SUGCT: variants seen among roughly 807,000 people sequenced by gnomAD.
SUGCT encodes succinyl-CoA:glutarate CoA-transferase.
Under a neutral mutation model 55.0 loss-of-function variants are expected in SUGCT, and 41 were observed. That is an observed-to-expected ratio of 0.74 (90% confidence interval 0.58 to 0.97). SUGCT has a LOEUF of 0.97. SUGCT is among the 50% of genes least tolerant of loss of function. SUGCT has a pLI of 0.00. For missense variants in SUGCT, 568 were observed against 547.8 expected (o/e 1.04, Z -0.37); for synonymous variants, 187 against 200.4 (o/e 0.93, Z 0.56).
intron 7 of SUGCT, among the ~76,000 whole-genome samples, chr7:40,239,552 G>A (rs1789240622): frequency 6.6e-6 from 1 of 152,158 alleles, no homozygotes; most frequent in Non-Finnish European, 1.5e-5. Context: ...AAAGATCTGG[G>A]ATTTAAAAAT....
chr7:40,934,322 G>T, the SUGCT span, among the ~76,000 whole-genome samples: 1 of 152,186 alleles, frequency 6.6e-6, no homozygotes, highest in Non-Finnish European at 1.5e-5. Flanking sequence ...CTTCATCCCA[G>T]AGGGGCACCT....
chr7:40,143,473 A>G (rs1179771520), intron 1 of SUGCT, among the ~76,000 whole-genome samples: 5 of 152,232 alleles, frequency 3.3e-5, no homozygotes, highest in Non-Finnish European at 7.3e-5. Context: ...AATCCTGGAA[A>G]AGAGCTACCA....
the SUGCT span, among the ~76,000 whole-genome samples, chr7:40,954,480 C>A: frequency 2.0e-4 from 31 of 152,160 alleles, no homozygotes; most frequent in African/African-American, 7.2e-4. Context: ...GTCTGACAAG[C>A]CCCAGTGAGA....
intron 12 of SUGCT, among the ~76,000 whole-genome samples, chr7:40,733,206 C>T (rs1318703739): frequency 6.6e-6 from 1 of 152,170 alleles, no homozygotes; most frequent in Non-Finnish European, 1.5e-5. Flanking sequence ...CATCTCTACC[C>T]CTCTGCCCCA....
rs369773565 is a variant in SUGCT at position 40,367,887 on chromosome 7, T to A, written c.816+51032T>A. On this transcript the variant is annotated intron_variant, in intron 9 of 13. Coordinates refer to ENST00000335693, the MANE Select transcript of SUGCT (RefSeq NM_001193313.2). Reference sequence around the variant, plus strand: ...CCTGGCCTTCCTGGCCCTTGCCATCTGTCCTCACAGCCTCTCCATCCATGC... The same window carrying A: ...CCTGGCCTTCCTGGCCCTTGCCATCAGTCCTCACAGCCTCTCCATCCATGC... Among the ~76,000 whole-genome samples the A allele has an allele frequency of 2.0e-3, 301 of 152,304 alleles. 12 individuals are homozygous for A. The South Asian group carries it at 0.059, about 30-fold the overall frequency.
the SUGCT span, among the ~76,000 whole-genome samples, chr7:40,937,357 G>A: frequency 6.6e-6 from 1 of 152,112 alleles, no homozygotes; most frequent in African/African-American, 2.4e-5. Flanking sequence ...TTTTAGTAGA[G>A]ACAGAGTTTC....
the SUGCT span, among the ~76,000 whole-genome samples, chr7:40,975,946 G>GGCT: frequency 2.4e-4 from 37 of 152,310 alleles, no homozygotes; most frequent in South Asian, 1.0e-3. Context: ...TCATAGCCCT[G>GGCT]CCTTAACTAA....
intron 12 of SUGCT, among the ~76,000 whole-genome samples, chr7:40,611,952 GT>G (rs1035877987): frequency 2.6e-5 from 4 of 150,986 alleles, no homozygotes; most frequent in Non-Finnish European, 4.4e-5. Context: ...CATTTTTATT[GT>G]TAATATTTTA....
At chr7:40,373,675 T>C (rs1784409126) in intron 9 of SUGCT, among the ~76,000 whole-genome samples, 2 of 152,060 alleles carry the variant, frequency 1.3e-5, no homozygotes, top group Admixed American at 6.6e-5. Context: ...CATGCAAGTT[T>C]ATTTTGGTAA....
the SUGCT span, among the ~76,000 whole-genome samples, chr7:40,940,810 TA>T: frequency 6.6e-6 from 1 of 152,002 alleles, no homozygotes; most frequent in Non-Finnish European, 1.5e-5. Context: ...GGACAATCTT[TA>T]GAGTTTTCTA....
At chr7:40,504,108 A>G (rs1309466853) in intron 12 of SUGCT, among the ~76,000 whole-genome samples, 1 of 152,246 alleles carries the variant, frequency 6.6e-6, no homozygotes, top group African/African-American at 2.4e-5. Flanking sequence ...ACTTTCAAAT[A>G]TAAAACTTTT....
At chr7:40,768,970 T>A (rs1363007925) in intron 13 of SUGCT, among the ~76,000 whole-genome samples, 1 of 152,004 alleles carries the variant, frequency 6.6e-6, no homozygotes, top group East Asian at 1.9e-4. Flanking sequence ...TTAGGAGAAG[T>A]CTTGACTACA....
chr7:40,748,178 C>G (rs1463783411), intron 12 of SUGCT, among the ~76,000 whole-genome samples: 1 of 151,798 alleles, frequency 6.6e-6, no homozygotes, highest in Admixed American at 6.6e-5. Flanking sequence ...TAGAGAGAGA[C>G]TTTGGGGTGT....
intron 1 of SUGCT, among the ~76,000 whole-genome samples, chr7:40,138,286 GGCCCCCA>G (rs1217815611): frequency 3.9e-5 from 6 of 152,098 alleles, no homozygotes; most frequent in African/African-American, 1.4e-4. Context: ...TTAAGATAAT[GGCCCCCA>G]GTTCTATCCA....
chr7:40,339,212 G>T (rs1480872324), intron 9 of SUGCT, among the ~76,000 whole-genome samples: 1 of 152,198 alleles, frequency 6.6e-6, no homozygotes, highest in Non-Finnish European at 1.5e-5. Context: ...ACTTGAGGAG[G>T]CAGTCTTAGC....
chr7:40,603,185 T>C (rs1798371323), intron 12 of SUGCT, among the ~76,000 whole-genome samples: 1 of 152,190 alleles, frequency 6.6e-6, no homozygotes, highest in South Asian at 2.1e-4. Context: ...AATATGTTGA[T>C]TTAAATTTGA....
chr7:40,897,892 T>C, the SUGCT span, among the ~76,000 whole-genome samples: 1 of 125,492 alleles, frequency 8.0e-6, no homozygotes, highest in Non-Finnish European at 1.9e-5. Flanking sequence ...CTCTGTAAAA[T>C]GGACCAATCA....
At chr7:40,313,043 C>G (rs904399282) in intron 8 of SUGCT, among the ~76,000 whole-genome samples, 5 of 152,124 alleles carry the variant, frequency 3.3e-5, no homozygotes, top group Admixed American at 1.3e-4. Flanking sequence ...CTTCCTCAAG[C>G]CTTTTGGGGC....
chr7:40,748,636 A>G (rs1229797284), intron 12 of SUGCT, among the ~76,000 whole-genome samples: 2 of 151,708 alleles, frequency 1.3e-5, no homozygotes, highest in Non-Finnish European at 2.9e-5. Context: ...TCTTTGAAAT[A>G]AATTAATTTA....
Sources: gnomAD v4.1 joint callset for allele counts (sites outside exome capture counted in the v4.1 genomes callset) on GRCh38, gnomAD v4.1.1 for gene constraint, MANE v1.5 for transcripts, NCBI Gene and HGNC (gene_info 2026-07-23, HGNC 2026-07-21) for gene names.